The following AGMO variants were observed in gnomAD, a reference collection of about 807,000 sequenced individuals.
The protein encoded by AGMO is alkylglycerol monooxygenase.
In AGMO, 75 loss-of-function variants were observed where a neutral mutation model predicts 60.2. That is an observed-to-expected ratio of 1.25 (90% confidence interval 1.03 to 1.51). The LOEUF is 1.51. Among genes scored for constraint, AGMO ranks in the 40% most tolerant of loss-of-function variants. The probability of loss-of-function intolerance (pLI) is 0.00; values close to 1 mark genes in which losing one functional copy is unlikely to be tolerated. For synonymous variants in AGMO, 261 were observed against 177.1 expected (o/e 1.47, Z -3.76); for missense variants, 763 against 525.5 (o/e 1.45, Z -4.42).
chr7:15,147,534 C>A, the AGMO span, among the ~76,000 whole-genome samples: 8 of 152,046 alleles, frequency 5.3e-5, no homozygotes, highest in African/African-American at 1.9e-4. Flanking sequence ...CCCCATGACA[C>A]GTGGGAATTA....
chr7:15,373,219 A>G (rs10215994), intron 10 of AGMO, among the ~76,000 whole-genome samples: 65,105 of 151,526 alleles, frequency 0.43, 14,637 homozygotes, highest in African/African-American at 0.57. Flanking sequence ...AGGTGGTTTC[A>G]GTGAGCTGAG....
At chr7:15,545,731 T>G (rs1342553464) in intron 2 of AGMO, among the ~76,000 whole-genome samples, 1 of 152,096 alleles carries the variant, frequency 6.6e-6, no homozygotes, top group African/African-American at 2.4e-5. Context: ...TAAAAACCTA[T>G]AAAATGTACT....
intron 12 of AGMO, among the ~76,000 whole-genome samples, chr7:15,223,705 CAT>C (rs1244505792): frequency 3.3e-5 from 5 of 151,946 alleles, no homozygotes; most frequent in African/African-American, 1.2e-4. Context: ...CTAGACAATG[CAT>C]AGTCTCTGAA....
chr7:15,477,131 C>CT (rs76639484), intron 3 of AGMO, among the ~76,000 whole-genome samples: 22,780 of 151,090 alleles, frequency 0.15, 2,657 homozygotes, highest in East Asian at 0.61. Context: ...TTAGAACATT[C>CT]TTTTTTTTTA....
the AGMO span, among the ~76,000 whole-genome samples, chr7:15,153,457 G>C: frequency 6.6e-6 from 1 of 152,082 alleles, no homozygotes; most frequent in Non-Finnish European, 1.5e-5. Context: ...TTATCTTCCA[G>C]AATGTTTATG....
chr7:15,316,627 A>C (rs1404145786), intron 12 of AGMO, among the ~76,000 whole-genome samples: 1 of 147,732 alleles, frequency 6.8e-6, no homozygotes, highest in Non-Finnish European at 1.5e-5. Context: ...CACACACACA[A>C]GTTCATTATT....
chr7:15,247,455 C>G (rs201585127), intron 12 of AGMO, among the ~76,000 whole-genome samples: 45,071 of 116,576 alleles, frequency 0.39, 8,170 homozygotes, highest in Admixed American at 0.45. Flanking sequence ...CACACACACA[C>G]ACACAGAGAG....
chr7:15,555,015 C>G (rs374518279), intron 2 of AGMO, among the ~76,000 whole-genome samples: 115 of 151,846 alleles, frequency 7.6e-4, no homozygotes, highest in African/African-American at 2.7e-3. Context: ...TTGAAAACTC[C>G]TAAGAGAGCA....
chr7:15,143,665 G>A, the AGMO span, among the ~76,000 whole-genome samples: 3 of 148,650 alleles, frequency 2.0e-5, no homozygotes, highest in Non-Finnish European at 3.0e-5. Context: ...TGGCACTGAA[G>A]TTTTTGTTTT....
chr7:15,387,694 T>C (rs1299783838), intron 8 of AGMO, among the ~76,000 whole-genome samples, 154 bp from the exon 9 acceptor site: 16 of 152,232 alleles, frequency 1.1e-4, no homozygotes, highest in Non-Finnish European at 2.1e-4. Flanking sequence ...TTGCATTCCA[T>C]GCTGTAATCT....
intron 10 of AGMO, among the ~76,000 whole-genome samples, chr7:15,368,221 A>G (rs1226404857): frequency 6.6e-6 from 1 of 150,962 alleles, no homozygotes; most frequent in East Asian, 2.0e-4. Flanking sequence ...AGAGCAAGAG[A>G]GTGCTATTAA....
the AGMO span, among the ~76,000 whole-genome samples, chr7:15,118,173 A>AACACAC: frequency 0.029 from 4,174 of 144,626 alleles, 207 homozygotes; most frequent in African/African-American, 0.097. Context: ...ACTAAAGAGA[A>AACACAC]ACACACACAC....
At chr7:15,378,782 A>C (rs1783559947) in intron 10 of AGMO, among the ~76,000 whole-genome samples, 1 of 151,570 alleles carries the variant, frequency 6.6e-6, no homozygotes, top group African/African-American at 2.4e-5. Context: ...CTAAAAGCAT[A>C]CAAAGACATT....
At chr7:15,239,749 T>C (rs78205460) in intron 12 of AGMO, among the ~76,000 whole-genome samples, 1,765 of 152,268 alleles carry the variant, frequency 0.012, 55 homozygotes, top group East Asian at 0.084. Context: ...TAGGTGTTTC[T>C]TATTATGTAC....
At chr7:15,340,395 G>A (rs547465086) in intron 12 of AGMO, among the ~76,000 whole-genome samples, 1 of 152,112 alleles carries the variant, frequency 6.6e-6, no homozygotes, top group Non-Finnish European at 1.5e-5. Context: ...AAGACTTCAG[G>A]TCGGCTCTTT....
At chr7:15,179,459 A>C in the AGMO span, among the ~76,000 whole-genome samples, 1 of 152,182 alleles carries the variant, frequency 6.6e-6, no homozygotes, top group Non-Finnish European at 1.5e-5. Flanking sequence ...GTCTCAAGTA[A>C]GTAAAAAACC....
At chr7:15,376,448 G>A (rs926100232) in intron 10 of AGMO, among the ~76,000 whole-genome samples, 3 of 151,890 alleles carry the variant, frequency 2.0e-5, no homozygotes, top group Admixed American at 6.6e-5. Flanking sequence ...CAAAATTGTA[G>A]TGCCCATAAT....
chr7:15,163,127 G>A, the AGMO span, among the ~76,000 whole-genome samples: 1 of 152,144 alleles, frequency 6.6e-6, no homozygotes, highest in South Asian at 2.1e-4. Flanking sequence ...TCAGCTTGAA[G>A]GTTATTGGTG....
chr7:15,451,834 G>A (rs1366827186), intron 3 of AGMO, among the ~76,000 whole-genome samples: 7 of 152,094 alleles, frequency 4.6e-5, no homozygotes, highest in East Asian at 1.9e-4. Context: ...GGGAAATGAC[G>A]TACAGAAATG....
Sources: gnomAD v4.1 joint callset for allele counts (sites outside exome capture counted in the v4.1 genomes callset) on GRCh38, gnomAD v4.1.1 for gene constraint, MANE v1.5 for transcripts, NCBI Gene and HGNC (gene_info 2026-07-23, HGNC 2026-07-21) for gene names.